Variants in TLR2 observed in about 807,000 individuals in gnomAD.
TLR2 encodes toll-like receptor 2.
A neutral mutation model predicts 9.1 loss-of-function variants in TLR2; 7 were observed. That is an observed-to-expected ratio of 0.77 (90% CI 0.44 to 1.44). The LOEUF is 1.44. TLR2 is among the 40% of genes most tolerant of loss of function. The probability of loss-of-function intolerance (pLI) is 0.01; values close to 1 mark genes in which losing one functional copy is unlikely to be tolerated. For synonymous variants in TLR2, 317 were observed against 344.6 expected (o/e 0.92, Z 0.89); for missense variants, 812 against 904.6 (o/e 0.90, Z 1.31).
chr4:153,709,775 C>G (rs1324816330), downstream of TLR2, among the ~76,000 whole-genome samples: 1 of 152,212 alleles, frequency 6.6e-6, no homozygotes, highest in Non-Finnish European at 1.5e-5. Flanking sequence ...ACAGCTGTTG[C>G]ATGGGTTTGA....
At chr4:153,685,966 G>A (rs1735674112) in intron 1 of TLR2, among the ~76,000 whole-genome samples, 1 of 152,196 alleles carries the variant, frequency 6.6e-6, no homozygotes, top group Admixed American at 6.5e-5. Context: ...TTGAAGGGCT[G>A]CATCTGGTGA....
At chr4:153,691,317 TATAGAAGCTTGC>T (rs1226496138) in intron 2 of TLR2, among the ~76,000 whole-genome samples, 229 of 152,328 alleles carry the variant, frequency 1.5e-3, no homozygotes, top group African/African-American at 5.1e-3. Context: ...TAAGACTATT[TATAGAAGCTTGC>T]TGTATTTGTG....
chr4:153,698,745 G>A (rs1736679664), intron 2 of TLR2, among the ~76,000 whole-genome samples: 1 of 152,170 alleles, frequency 6.6e-6, no homozygotes, highest in Non-Finnish European at 1.5e-5. Flanking sequence ...GCATTCAGTT[G>A]CCTCATTGGG....
At chr4:153,685,436 G>C (rs996715715) in intron 1 of TLR2, among the ~76,000 whole-genome samples, 16 of 152,278 alleles carry the variant, frequency 1.1e-4, no homozygotes, top group Middle Eastern at 3.4e-3. Flanking sequence ...TTAATCTTTT[G>C]ACTCTGTTAT....
At chr4:153,693,831 G>A (rs546383959) in intron 2 of TLR2, among the ~76,000 whole-genome samples, 6 of 152,168 alleles carry the variant, frequency 3.9e-5, no homozygotes, top group Admixed American at 1.3e-4. Context: ...AAGAGTACTC[G>A]GGTATCCTCC....
rs1737296616 is a variant in TLR2, at chr4:153,705,778, C to T, written c.*516C>T. 1 of 166,480 alleles carries T rather than the reference C, an allele frequency of 6.0e-6. No homozygotes were observed. The highest frequency in any genetic ancestry group is 2.4e-5 in the African/African-American group (1 of 41,224). 10.3% of individuals were successfully genotyped at this position (166,480 alleles called of 1,614,324 possible). A position where few individuals can be genotyped will look rare whatever the true frequency, so the allele number is the denominator to read the frequency against. On this transcript the variant is annotated 3_prime_UTR_variant, in exon 3 of 3. Transcript: ENST00000642700. ...AAATTTTTAAAACATACTTTTGATC[C>T]ACAGTTGGTTGACTTCATGGATGCA...
At chr4:153,687,308 G>A (rs961499241) in intron 1 of TLR2, among the ~76,000 whole-genome samples, 4 of 152,058 alleles carry the variant, frequency 2.6e-5, no homozygotes, top group South Asian at 2.1e-4. Context: ...ATCAGAACAG[G>A]GGAAATAATA....
Position 153,704,525 on chromosome 4 carries a change from G to A in TLR2, c.1618G>A (p.Glu540Lys), listed in dbSNP as rs902928025. 7 of 1,613,858 alleles carry A rather than the reference G, an allele frequency of 4.3e-6. No individual in the cohort carries two copies. The highest frequency in any genetic ancestry group is 3.3e-5 in the Admixed American group (2 of 59,976). The change falls in exon 3 of 3, where the codon GAA becomes AAA. Residue 540 changes from glutamate (E) to lysine (K), a missense_variant. Coordinates refer to ENST00000642700, the MANE Select transcript of TLR2 (RefSeq NM_001318789.2). ...AGGNNFICSC[E>K]FLSFTQEQQA... ...TGGCAATAACTTCATTTGCTCCTGT[G>A]AATTCCTCTCCTTCACTCAGGAGCA...
At chr4:153,688,876 G>A (rs987253367) in intron 2 of TLR2, among the ~76,000 whole-genome samples, 4 of 152,182 alleles carry the variant, frequency 2.6e-5, no homozygotes, top group Admixed American at 1.3e-4. Flanking sequence ...GTTCCCACAT[G>A]TCCCCCTTTT....
intron 2 of TLR2, among the ~76,000 whole-genome samples, chr4:153,689,303 G>T (rs928999227): frequency 3.9e-5 from 6 of 152,176 alleles, no homozygotes; most frequent in Non-Finnish European, 7.3e-5. Flanking sequence ...AGGGTGAGGT[G>T]CCACTATACC....
downstream of TLR2, among the ~76,000 whole-genome samples, chr4:153,706,812 C>G (rs1190266786): frequency 6.6e-6 from 1 of 152,074 alleles, no homozygotes; most frequent in East Asian, 1.9e-4. Context: ...TGACATGACC[C>G]AAAAAGTTTT....
chr4:153,703,116 G>A lies in TLR2; in HGVS notation c.209G>A (p.Ser70Asn). Residue 70 changes from serine to asparagine, a missense_variant, in exon 3 of 3, where the codon AGT (serine) becomes AAT (asparagine). Coordinates refer to ENST00000642700, the MANE Select transcript of TLR2 (RefSeq NM_001318789.2). Reference protein sequence around the residue: ...SNNRITYISNSDLQRCVNLQA... With the variant: ...SNNRITYISNNDLQRCVNLQA... ...AACAGGATCACCTACATTAGCAACA[G>A]TGACCTACAGAGGTGTGTGAACCTC... 6.2e-7 allele frequency: 1 copy of A among 1,614,124 alleles called. No homozygotes were observed. Among genetic ancestry groups the A allele is most frequent in the Non-Finnish European group, 8.5e-7 (1 of 1,180,026 alleles).
intron 2 of TLR2, among the ~76,000 whole-genome samples, chr4:153,692,218 C>T (rs1289920294): frequency 1.3e-5 from 2 of 152,106 alleles, no homozygotes; most frequent in Non-Finnish European, 2.9e-5. Context: ...TATTAAAGGC[C>T]AATTTTTTGG....
downstream of TLR2, among the ~76,000 whole-genome samples, chr4:153,707,953 T>G (rs1325202215): frequency 6.6e-6 from 1 of 152,160 alleles, no homozygotes; most frequent in Non-Finnish European, 1.5e-5. Context: ...CACCCTCACA[T>G]ACACACCAGA....
At position 153,703,018 on chromosome 4, in the gene TLR2, G is replaced by A. The variant is rs1471322843; in HGVS notation, c.111G>A (p.Lys37=). The part of the protein sequence containing the change: ...SLSCDRNGIC[K]GSSGSLNSIP... ...CTTGTGACCGCAATGGTATCTGCAAGGGCAGCTCAGGATCTTTAAACTCCA... is the reference window on the plus strand; with the variant it reads ...CTTGTGACCGCAATGGTATCTGCAAAGGCAGCTCAGGATCTTTAAACTCCA... Residue 37 remains lysine, a synonymous_variant, in exon 3 of 3, where the codon AAG becomes AAA. Transcript: ENST00000642700. 2 of 1,613,856 alleles carry A rather than the reference G, an allele frequency of 1.2e-6. No homozygotes were observed. The highest frequency in any genetic ancestry group is 1.7e-6 in the Non-Finnish European group (2 of 1,180,008).
At chr4:153,685,051 G>A (rs1247128526) in intron 1 of TLR2, among the ~76,000 whole-genome samples, 2 of 152,206 alleles carry the variant, frequency 1.3e-5, no homozygotes, top group Non-Finnish European at 2.9e-5. Context: ...GAAAGGTTCC[G>A]TGCTCTGGGT....
At chr4:153,685,563 A>G (rs1270414408) in intron 1 of TLR2, among the ~76,000 whole-genome samples, 1 of 152,238 alleles carries the variant, frequency 6.6e-6, no homozygotes, top group African/African-American at 2.4e-5. Context: ...AGCAGAAACT[A>G]TTGGAAAATG....
At chr4:153,706,950 A>G, downstream of TLR2, among the ~76,000 whole-genome samples, 1 of 152,238 alleles carries the variant, frequency 6.6e-6, no homozygotes, top group African/African-American at 2.4e-5. Context: ...TGTTGAGGGC[A>G]AGAGTACCAC....
chr4:153,694,403 C>A (rs899839196), intron 2 of TLR2, among the ~76,000 whole-genome samples: 1 of 152,154 alleles, frequency 6.6e-6, no homozygotes, highest in Non-Finnish European at 1.5e-5. Flanking sequence ...AGTTTATGGC[C>A]AGATTTGAGG....
Sources: allele counts gnomAD v4.1 joint callset (sites outside exome capture counted in the v4.1 genomes callset), GRCh38; gene constraint gnomAD v4.1.1; transcripts MANE v1.5; gene names NCBI Gene and HGNC (gene_info 2026-07-23, HGNC 2026-07-21).